The following AP3S2 variants were observed in gnomAD, a reference collection of about 807,000 sequenced individuals.
The protein encoded by AP3S2 is AP-3 complex subunit sigma-2.
A neutral mutation model predicts 23.4 loss-of-function variants in AP3S2; 22 were observed. The ratio of observed to expected loss-of-function variants is 0.94; its 90% CI spans 0.67 to 1.34. AP3S2 has a LOEUF of 1.34. AP3S2 is among the 40% of genes most tolerant of loss of function. The pLI is 0.00. For synonymous variants in AP3S2, 86 were observed against 87.1 expected (o/e 0.99, Z 0.07); for missense variants, 241 against 236.9 (o/e 1.02, Z -0.11).
At chr15:89,849,555 AC>A (rs1219701566) in intron 4 of AP3S2, among the ~76,000 whole-genome samples, 4 of 151,730 alleles carry the variant, frequency 2.6e-5, no homozygotes, top group South Asian at 2.1e-4. Flanking sequence ...TTTAGTAGAG[AC>A]GGGGGTTTCA....
rs1233435532 is a variant in AP3S2 at position 89,837,630 on chromosome 15, C to A, written c.438G>T (p.Arg146Ser). 2 of 1,614,054 alleles carry A rather than the reference C, an allele frequency of 1.2e-6. No homozygotes were observed. The highest frequency in any genetic ancestry group is 1.1e-5 in the South Asian group (1 of 91,094). The part of the protein sequence containing the change: ...EIVAQIEAQN[R>S]LEKSEGGLSA... ...GCTTACTCACCTCGGATTTCTCCAG[C>A]CTGTTTTGAGCCTCAATCTGAGCCA... The change falls in exon 5 of 6, where the codon AGG becomes AGT. Residue 146 changes from arginine (R) to serine (S), a missense_variant. Arg to Ser is a moderately radical substitution (Grantham distance 110). Coordinates refer to ENST00000336418, the MANE Select transcript of AP3S2 (RefSeq NM_005829.5).
chr15:89,847,276 C>T (rs1173132010), intron 4 of AP3S2, among the ~76,000 whole-genome samples: 3 of 146,652 alleles, frequency 2.0e-5, no homozygotes, highest in Middle Eastern at 3.6e-3. Context: ...TCCAGCTACT[C>T]GGTAGGCTGA....
rs1348637552 is a variant in AP3S2 at position 89,858,515 on chromosome 15, GAGAGAGAGAGAAAGAAAGAA to G, written c.345+12940_345+12959del. On this transcript the variant is annotated intron_variant, in intron 4 of 5. Transcript: ENST00000336418. ...AGAAAGAGAGAGAGAGAGAGAGAGA[GAGAGAGAGAGAAAGAAAGAA>G]AGAAAGAAAGAAAGAAAGAAAGAAA... Among the ~76,000 whole-genome samples, 138 of 46,212 alleles carry G rather than the reference GAGAGAGAGAGAAAGAAAGAA, an allele frequency of 3.0e-3. 1 individual carries two copies. Among genetic ancestry groups the G allele is most frequent in the African/African-American group, 9.1e-3 (129 of 14,214 alleles). The allele number at this position is 46,212 out of a possible 152,430, so 30.3% of individuals were successfully genotyped here.
chr15:89,836,033 AAC>A (rs1895184383), intron 5 of AP3S2, among the ~76,000 whole-genome samples: 1 of 152,174 alleles, frequency 6.6e-6, no homozygotes, highest in African/African-American at 2.4e-5. Flanking sequence ...GTCTCAAACA[AAC>A]AAACAAACAA....
rs1272274309 is a variant in AP3S2 at position 89,832,009 on chromosome 15, T to C, written c.*3506A>G. 2 of 152,264 alleles carry C rather than the reference T, an allele frequency of 1.3e-5. No individual in the cohort carries two copies. Among genetic ancestry groups the C allele is most frequent in the Non-Finnish European group, 2.9e-5 (2 of 68,046 alleles). The allele number at this position is 152,264 out of a possible 1,614,324, so 9.4% of individuals were successfully genotyped here. A position where few individuals can be genotyped will look rare whatever the true frequency, so the allele number is the denominator to read the frequency against. ...AATCTGAGCACTCTGTCAAAGATGCTCACAGAGACAACAGGAGCAGACAGA... is the reference window on the plus strand; with the variant it reads ...AATCTGAGCACTCTGTCAAAGATGCCCACAGAGACAACAGGAGCAGACAGA... On this transcript the variant is annotated 3_prime_UTR_variant, in exon 6 of 6. Transcript: ENST00000336418.
At chr15:89,888,728 G>T in intron 2 of AP3S2, 96 bp from the exon 3 acceptor site, 2 of 1,321,186 alleles carry the variant, frequency 1.5e-6, no homozygotes, top group South Asian at 2.7e-5. Flanking sequence ...CCACTGGAAA[G>T]GAGAAGGCCA....
intron 4 of AP3S2, among the ~76,000 whole-genome samples, chr15:89,847,359 G>T (rs892685674): frequency 1.6e-5 from 2 of 123,754 alleles, no homozygotes; most frequent in Non-Finnish European, 3.2e-5. Context: ...CTGGGAGACA[G>T]GGCGAGACCC....
At chr15:89,847,921 T>C (rs922380484) in intron 4 of AP3S2, among the ~76,000 whole-genome samples, 2 of 152,198 alleles carry the variant, frequency 1.3e-5, no homozygotes, top group African/African-American at 2.4e-5. Context: ...ACACCTAATA[T>C]GAACAATACT....
intron 4 of AP3S2, among the ~76,000 whole-genome samples, chr15:89,856,142 T>C (rs1895830274): frequency 6.6e-6 from 1 of 152,138 alleles, no homozygotes; most frequent in South Asian, 2.1e-4. Flanking sequence ...TAGTTCCTCC[T>C]GAGTGCACCC....
chr15:89,840,146 C>A (rs545101560), intron 4 of AP3S2, among the ~76,000 whole-genome samples: 3 of 152,078 alleles, frequency 2.0e-5, no homozygotes, highest in Non-Finnish European at 4.4e-5. Flanking sequence ...GTGGCGACTG[C>A]ACAACAATGT....
At chr15:89,881,356 A>C (rs1896566083) in intron 3 of AP3S2, among the ~76,000 whole-genome samples, 1 of 152,238 alleles carries the variant, frequency 6.6e-6, no homozygotes. Flanking sequence ...GATTATTTAC[A>C]CTTAATATAA....
At chr15:89,885,795 GC>G (rs1896685142) in intron 3 of AP3S2, among the ~76,000 whole-genome samples, 1 of 151,814 alleles carries the variant, frequency 6.6e-6, no homozygotes, top group Non-Finnish European at 1.5e-5. Context: ...CAAAAAATTA[GC>G]CAGATGTGGT....
intron 1 of AP3S2, 69 bp downstream of exon 1, chr15:89,893,810 CGA>C: frequency 6.7e-7 from 1 of 1,499,994 alleles, no homozygotes; most frequent in Non-Finnish European, 9.1e-7. Context: ...CCCCGGGCGC[CGA>C]GAGGCCAAAG....
chr15:89,854,610 G>C (rs1279092749), intron 4 of AP3S2, among the ~76,000 whole-genome samples: 2 of 66,686 alleles, frequency 3.0e-5, no homozygotes, highest in African/African-American at 1.2e-4. Flanking sequence ...CGCCCTGTCC[G>C]GGAGGTGAGG....
At chr15:89,843,041 A>G (rs149031114) in intron 4 of AP3S2, among the ~76,000 whole-genome samples, 110 of 148,936 alleles carry the variant, frequency 7.4e-4, no homozygotes, top group Non-Finnish European at 1.4e-3. Flanking sequence ...CTGGAGTGCA[A>G]TGGCGCGATC....
At chr15:89,868,233 C>T (rs1896202511) in intron 4 of AP3S2, among the ~76,000 whole-genome samples, 1 of 56,800 alleles carries the variant, frequency 1.8e-5, no homozygotes, top group African/African-American at 6.0e-5. Flanking sequence ...AGCCCTCCGC[C>T]CGGCCAGCCG....
chr15:89,834,993 C>A lies in AP3S2; in HGVS notation c.*522G>T. ...GACTCTGGTTCTCCTAAAATTCTGC[C>A]CTTACTTGCCACTCACCACACCCCC... is the stretch of plus-strand genomic sequence containing the variant. On this transcript the variant is annotated 3_prime_UTR_variant, in exon 6 of 6. Transcript: ENST00000336418. 1 of 156,714 alleles carries A rather than the reference C, an allele frequency of 6.4e-6. No individual in the cohort carries two copies. Among genetic ancestry groups the A allele is most frequent in the Non-Finnish European group, 1.4e-5 (1 of 71,258 alleles). 9.7% of individuals were successfully genotyped at this position (156,714 alleles called of 1,614,324 possible).
chr15:89,853,635 C>A (rs1469992030), intron 4 of AP3S2, among the ~76,000 whole-genome samples: 1 of 141,982 alleles, frequency 7.0e-6, no homozygotes, highest in Non-Finnish European at 1.5e-5. Context: ...AGCGTCTCCG[C>A]CCGGCCGCCA....
intron 4 of AP3S2, among the ~76,000 whole-genome samples, chr15:89,858,792 G>A (rs1464755575): frequency 6.6e-6 from 1 of 152,114 alleles, no homozygotes; most frequent in East Asian, 1.9e-4. Context: ...ACTGAAAACG[G>A]CTGCATATCA....
Sources: allele counts gnomAD v4.1 joint callset (sites outside exome capture counted in the v4.1 genomes callset), GRCh38; gene constraint gnomAD v4.1.1; transcripts MANE v1.5; gene names NCBI Gene and HGNC (gene_info 2026-07-23, HGNC 2026-07-21).